Variants in RAB3D observed in about 807,000 individuals in gnomAD.
The protein encoded by RAB3D is ras-related protein Rab-3D.
RAB3D carries 17 observed loss-of-function variants against 19.3 expected under a neutral mutation model. The observed-to-expected ratio is 0.88, with a 90% CI of 0.60 to 1.32. RAB3D has a LOEUF of 1.32. RAB3D is among the 40% of genes most tolerant of loss of function. The pLI is 0.00. For synonymous variants in RAB3D, 103 were observed against 119.9 expected (o/e 0.86, Z 0.92); for missense variants, 223 against 299.1 (o/e 0.75, Z 1.88).
At chr19:11,338,847 G>A (rs1456170575) in intron 1 of RAB3D, among the ~76,000 whole-genome samples, 1 of 152,218 alleles carries the variant, frequency 6.6e-6, no homozygotes, top group Non-Finnish European at 1.5e-5. Flanking sequence ...CCGAGTCCAA[G>A]GTGCTCCCTC....
At chr19:11,326,094 C>T (rs1004813365) in intron 4 of RAB3D, among the ~76,000 whole-genome samples, 5 of 151,736 alleles carry the variant, frequency 3.3e-5, no homozygotes, top group African/African-American at 7.3e-5. Flanking sequence ...TGGTGGCACG[C>T]GTCTGTAATC....
intron 2 of RAB3D, 29 bp from the exon 3 acceptor site, chr19:11,335,812 G>T: frequency 6.3e-7 from 1 of 1,594,896 alleles, no homozygotes; most frequent in Non-Finnish European, 8.6e-7. Context: ...CAGTTGGCTG[G>T]GAACTACCTG....
rs781192177 is a variant in RAB3D at position 11,335,457 on chromosome 19, G to A, written c.462C>T (p.Ala154=). ...AGGCTGGGCACTAACCAAGGTCGTC[G>A]GCGAGCCTCCGGCCATCCTCAGCAG... ...VVPAEDGRRL[A]DDLGFEFFEA... Residue 154 remains alanine, a synonymous_variant, in exon 4 of 5, where the codon GCC becomes GCT. Transcript: ENST00000222120. The A allele has an allele frequency of 4.1e-5, 66 of 1,614,026 alleles. No individual in the cohort carries two copies. The highest frequency in any genetic ancestry group is 5.5e-5 in the South Asian group (5 of 91,090).
intron 4 of RAB3D, 30 bp downstream of exon 4, chr19:11,335,417 C>G: frequency 6.2e-7 from 1 of 1,612,582 alleles, no homozygotes; most frequent in African/African-American, 1.3e-5. Context: ...TCTGGGAGAC[C>G]AGGGCCTGTG....
chr19:11,331,108 A>G (rs904314721), intron 4 of RAB3D, among the ~76,000 whole-genome samples: 1 of 152,004 alleles, frequency 6.6e-6, no homozygotes, highest in Admixed American at 6.6e-5. Context: ...CCTGGCTAAC[A>G]TAGTGAAACC....
Position 11,325,334 on chromosome 19 carries a change from T to C in RAB3D, c.*64A>G. On this transcript the variant is annotated 3_prime_UTR_variant, in exon 5 of 5. Coordinates refer to ENST00000222120, the MANE Select transcript of RAB3D (RefSeq NM_004283.4). ...TGAGCTTGGAGATAACCACTGTGGCTCACGCCTCGATCACAGTCCCTGCCG... is the reference window on the plus strand; with the variant it reads ...TGAGCTTGGAGATAACCACTGTGGCCCACGCCTCGATCACAGTCCCTGCCG... 1 of 1,090,936 alleles carries C rather than the reference T, an allele frequency of 9.2e-7. No homozygotes were observed. Among genetic ancestry groups the C allele is most frequent in the Admixed American group, 2.3e-5 (1 of 44,256 alleles). 67.6% of individuals were successfully genotyped at this position (1,090,936 alleles called of 1,614,324 possible).
chr19:11,327,922 A>G (rs1035342075), intron 4 of RAB3D, among the ~76,000 whole-genome samples: 3 of 152,160 alleles, frequency 2.0e-5, no homozygotes, highest in Non-Finnish European at 4.4e-5. Context: ...AAACTACAGA[A>G]AAGTATTAAG....
intron 4 of RAB3D, among the ~76,000 whole-genome samples, chr19:11,327,186 C>T (rs1043944539): frequency 2.0e-5 from 3 of 152,222 alleles, no homozygotes; most frequent in Admixed American, 6.5e-5. Flanking sequence ...CCGCCCATGG[C>T]TGTACCCAGT....
intron 4 of RAB3D, among the ~76,000 whole-genome samples, chr19:11,328,594 C>T (rs2080824640): frequency 6.6e-6 from 1 of 152,080 alleles, no homozygotes; most frequent in Non-Finnish European, 1.5e-5. Context: ...TTGCAGTGAG[C>T]CGAGATTATG....
chr19:11,333,024 T>A (rs1413180786), intron 4 of RAB3D, among the ~76,000 whole-genome samples: 1 of 151,332 alleles, frequency 6.6e-6, no homozygotes, highest in Non-Finnish European at 1.5e-5. Flanking sequence ...CGAAATGGAA[T>A]AGTACACAGC....
chr19:11,336,974 G>GAA (rs71164191), intron 2 of RAB3D, among the ~76,000 whole-genome samples, 198 bp downstream of exon 2: 9 of 90,208 alleles, frequency 1.0e-4, no homozygotes, highest in Admixed American at 1.4e-4. Flanking sequence ...TGTCTCGAGA[G>GAA]AAAAAAAAAA....
rs1456697182 is a variant in RAB3D at position 11,326,783 on chromosome 19, T to C, written c.473-1198A>G. 5.8e-6 allele frequency: 4 copies of C among 694,576 alleles called. No individual in the cohort carries two copies. The Admixed American group carries it at 8.1e-5, about 14-fold the overall frequency. 43.0% of individuals were successfully genotyped at this position (694,576 alleles called of 1,614,324 possible). On this transcript the variant is annotated intron_variant, in intron 4 of 4. Transcript: ENST00000222120. ...CATGCCCGGCTAATTTTTCAATTTT[T>C]TCTTTTGTAGAGGTGGGGGTCTCGC...
chr19:11,331,355 C>T (rs2080835182), intron 4 of RAB3D, among the ~76,000 whole-genome samples: 1 of 151,816 alleles, frequency 6.6e-6, no homozygotes, highest in African/African-American at 2.4e-5. Flanking sequence ...TTTATAGATA[C>T]AAATTTGAAT....
At chr19:11,335,975 G>A (rs1427807778) in intron 2 of RAB3D, among the ~76,000 whole-genome samples, 192 bp from the exon 3 acceptor site, 1 of 152,224 alleles carries the variant, frequency 6.6e-6, no homozygotes, top group Non-Finnish European at 1.5e-5. Flanking sequence ...GGGAGGCATG[G>A]ATTCATTACC....
At position 11,324,331 on chromosome 19, in the gene RAB3D, G is replaced by A. The variant is rs1419611133; in HGVS notation, c.*1067C>T. The A allele has an allele frequency of 1.3e-5, 2 of 152,096 alleles. No homozygotes were observed. Among genetic ancestry groups the A allele is most frequent in the African/African-American group, 4.8e-5 (2 of 41,372 alleles). The allele number at this position is 152,096 out of a possible 1,614,324, so 9.4% of individuals were successfully genotyped here. A position where few individuals can be genotyped will look rare whatever the true frequency, so the allele number is the denominator to read the frequency against. On this transcript the variant is annotated 3_prime_UTR_variant, in exon 5 of 5. Coordinates refer to ENST00000222120, the MANE Select transcript of RAB3D (RefSeq NM_004283.4). ...CATCCCTGGGCCCTGCCGATGACAAGGATTGGGAAATGGACATTGGGTCTT... is the reference window on the plus strand; with the variant it reads ...CATCCCTGGGCCCTGCCGATGACAAAGATTGGGAAATGGACATTGGGTCTT...
intron 2 of RAB3D, among the ~76,000 whole-genome samples, chr19:11,336,338 T>C (rs1966895350): frequency 6.6e-6 from 1 of 152,058 alleles, no homozygotes; most frequent in African/African-American, 2.4e-5. Context: ...AGATGGGGTC[T>C]TGCCCTGTCA....
chr19:11,330,572 C>T (rs570691601), intron 4 of RAB3D, among the ~76,000 whole-genome samples: 9 of 152,156 alleles, frequency 5.9e-5, no homozygotes, highest in South Asian at 4.2e-4. Flanking sequence ...TTTTTTGAGA[C>T]GGAGTCTCGC....
chr19:11,336,080 C>T (rs1174346545), intron 2 of RAB3D, among the ~76,000 whole-genome samples: 1 of 152,168 alleles, frequency 6.6e-6, no homozygotes, highest in African/African-American at 2.4e-5. Context: ...GACTTATGAG[C>T]CCCTTTGACC....
intron 4 of RAB3D, among the ~76,000 whole-genome samples, chr19:11,333,455 C>G (rs896412): frequency 0.36 from 54,195 of 151,948 alleles, 11,732 homozygotes; most frequent in Non-Finnish European, 0.49. Flanking sequence ...TAGGGAACAT[C>G]TGTGTAAAAC....
Sources: allele counts gnomAD v4.1 joint callset (sites outside exome capture counted in the v4.1 genomes callset), GRCh38; gene constraint gnomAD v4.1.1; transcripts MANE v1.5; gene names NCBI Gene and HGNC (gene_info 2026-07-23, HGNC 2026-07-21).